IQGAP2: variants seen among roughly 807,000 people sequenced by gnomAD.
The protein encoded by IQGAP2 is ras GTPase-activating-like protein IQGAP2.
IQGAP2 carries 173 observed loss-of-function variants against 201.3 expected under a neutral mutation model. That is an observed-to-expected ratio of 0.86 (90% CI 0.76 to 0.98). The LOEUF is 0.98. Ranked by LOEUF, IQGAP2 falls within the 50% of genes least tolerant of loss-of-function variation. The pLI is 0.00. For missense variants in IQGAP2, 1,687 were observed against 1,864.8 expected (o/e 0.90, Z 1.76); for synonymous variants, 675 against 673.9 (o/e 1.00, Z -0.03).
At chr5:76,514,009 G>C (rs1758146243) in intron 2 of IQGAP2, among the ~76,000 whole-genome samples, 2 of 121,262 alleles carry the variant, frequency 1.6e-5, no homozygotes, top group Non-Finnish European at 3.3e-5. Context: ...TCTATTTGTT[G>C]CCTTTTTTTT....
chr5:76,586,910 G>A (rs1172571164), intron 5 of IQGAP2, among the ~76,000 whole-genome samples: 2 of 152,194 alleles, frequency 1.3e-5, no homozygotes, highest in Non-Finnish European at 2.9e-5. Context: ...TTCCTGGCTT[G>A]TAAGCCTCGT....
At chr5:76,515,622 T>C (rs773398034) in intron 2 of IQGAP2, among the ~76,000 whole-genome samples, 3 of 152,196 alleles carry the variant, frequency 2.0e-5, no homozygotes, top group Non-Finnish European at 4.4e-5. Context: ...CAAATTTGTT[T>C]CTTATTTGCT....
chr5:76,640,069 A>G (rs1033759518), intron 16 of IQGAP2, among the ~76,000 whole-genome samples: 42 of 152,326 alleles, frequency 2.8e-4, no homozygotes, highest in African/African-American at 9.9e-4. Flanking sequence ...AAGATTATTA[A>G]CCAGTGGAAG....
chr5:76,497,064 A>G (rs1192051626), intron 2 of IQGAP2, among the ~76,000 whole-genome samples: 2 of 152,016 alleles, frequency 1.3e-5, no homozygotes, highest in African/African-American at 4.8e-5. Flanking sequence ...TCCTGACCTC[A>G]TGATCCACCC....
intron 1 of IQGAP2, among the ~76,000 whole-genome samples, chr5:76,454,102 A>G (rs539803636): frequency 2.0e-4 from 30 of 152,038 alleles, no homozygotes; most frequent in Non-Finnish European, 3.7e-4. Flanking sequence ...GTGTCTTGAA[A>G]TTGTAATTGT....
At position 76,516,706 on chromosome 5, in the gene IQGAP2, A is replaced by G. The variant is rs148212547; in HGVS notation, c.147-45690A>G. 5.5e-3 allele frequency among the ~76,000 whole-genome samples: 835 copies of G among 152,304 alleles called. 11 individuals are homozygous for G. Among genetic ancestry groups the G allele is most frequent in the African/African-American group, 0.019 (804 of 41,570 alleles). ...ACTAGAGCAGAAAATAGAGCAGAAA[A>G]TAGCCACAGATGTTAACTGACGGTT... On this transcript the variant is annotated intron_variant, in intron 2 of 35. Coordinates refer to ENST00000274364, the MANE Select transcript of IQGAP2 (RefSeq NM_006633.5).
At chr5:76,509,664 G>A (rs896815852) in intron 2 of IQGAP2, among the ~76,000 whole-genome samples, 4 of 152,152 alleles carry the variant, frequency 2.6e-5, no homozygotes, top group Non-Finnish European at 4.4e-5. Context: ...AAAGTGCTGG[G>A]ATTACAGGTG....
At chr5:76,561,726 A>G (rs914347595) in intron 2 of IQGAP2, among the ~76,000 whole-genome samples, 26 of 152,146 alleles carry the variant, frequency 1.7e-4, no homozygotes, top group Admixed American at 1.4e-3. Flanking sequence ...TCTCTTTTCT[A>G]CAATACTGGC....
intron 15 of IQGAP2, among the ~76,000 whole-genome samples, chr5:76,634,834 G>A (rs944099429): frequency 3.9e-5 from 6 of 152,168 alleles, no homozygotes; most frequent in African/African-American, 1.2e-4. Context: ...TGTCTGCAAG[G>A]CATCTAAAAA....
At chr5:76,461,997 T>C (rs926416341) in intron 2 of IQGAP2, among the ~76,000 whole-genome samples, 8 of 152,196 alleles carry the variant, frequency 5.3e-5, no homozygotes, top group African/African-American at 1.9e-4. Flanking sequence ...AGCAGGATAA[T>C]GGGAGAAGAA....
intron 9 of IQGAP2, among the ~76,000 whole-genome samples, chr5:76,594,908 G>A (rs138711961): frequency 1.3e-5 from 2 of 152,052 alleles, no homozygotes; most frequent in African/African-American, 4.8e-5. Flanking sequence ...GGAGGATGCA[G>A]TGAGCTGAGA....
chr5:76,608,926 T>C (rs1272606943), intron 12 of IQGAP2: 3 of 578,256 alleles, frequency 5.2e-6, no homozygotes, highest in Admixed American at 3.0e-5. Context: ...TAGAATGTTA[T>C]AGTAACATGT....
intron 2 of IQGAP2, among the ~76,000 whole-genome samples, chr5:76,525,962 C>A (rs914500942): frequency 6.6e-6 from 1 of 152,198 alleles, no homozygotes; most frequent in Non-Finnish European, 1.5e-5. Flanking sequence ...GTGGTCCATA[C>A]ATTCATAATT....
chr5:76,562,471 C>T lies in IQGAP2; in HGVS notation c.222C>T (p.Tyr74=), dbSNP rs1200089489. ...AAGAAGGGCTCCGGAATGGAGTTTA[C>T]CTTGCAAAGTTAGCCAAGTTCTTTG... The part of the protein sequence containing the change: ...ELEEGLRNGV[Y]LAKLAKFFAP... Residue 74 remains tyrosine, a synonymous_variant, in exon 3 of 36, where the codon TAC becomes TAT. Transcript: ENST00000274364. 3.1e-6 allele frequency: 5 copies of T among 1,613,838 alleles called. No individual in the cohort carries two copies. The highest frequency in any genetic ancestry group is 4.2e-6 in the Non-Finnish European group (5 of 1,179,800).
At chr5:76,697,082 A>G (rs950871123) in intron 32 of IQGAP2, among the ~76,000 whole-genome samples, 2 of 152,230 alleles carry the variant, frequency 1.3e-5, no homozygotes, top group Non-Finnish European at 2.9e-5. Flanking sequence ...AAAAAAACTT[A>G]TATCTGCAAG....
chr5:76,573,782 T>G (rs1400121178), intron 4 of IQGAP2, among the ~76,000 whole-genome samples: 1 of 151,640 alleles, frequency 6.6e-6, no homozygotes, highest in African/African-American at 2.4e-5. Context: ...CAGCTATTTT[T>G]TTTTTTTTTT....
At position 76,641,086 on chromosome 5, in the gene IQGAP2, A is replaced by G. The variant is rs530993260; in HGVS notation, c.2077A>G (p.Asn693Asp). 3 of 1,601,036 alleles carry G rather than the reference A, an allele frequency of 1.9e-6. No homozygotes were observed. The highest frequency in any genetic ancestry group is 2.6e-6 in the Non-Finnish European group (3 of 1,169,518). The stretch of plus-strand genomic sequence containing the variant: ...ATCATTTTTGCATGAACAAGAAGAG[A>G]ATGTGGTCAAAATACAGGTATGTGG... Reference protein sequence around the residue: ...RKSFLHEQEENVVKIQAFWKG... With the variant: ...RKSFLHEQEEDVVKIQAFWKG... Residue 693 changes from asparagine to aspartate, a missense_variant, in exon 17 of 36, where the codon AAT (asparagine) becomes GAT (aspartate). Coordinates refer to ENST00000274364, the MANE Select transcript of IQGAP2 (RefSeq NM_006633.5).
At chr5:76,623,936 C>CTTTTTTTT (rs368076875) in intron 13 of IQGAP2, among the ~76,000 whole-genome samples, 16 of 100,778 alleles carry the variant, frequency 1.6e-4, no homozygotes, top group Non-Finnish European at 2.6e-4. Context: ...TTTGTTCAGG[C>CTTTTTTTT]TTTTTTTTTT....
At chr5:76,529,252 A>G (rs777044276) in intron 2 of IQGAP2, among the ~76,000 whole-genome samples, 1 of 152,218 alleles carries the variant, frequency 6.6e-6, no homozygotes, top group Non-Finnish European at 1.5e-5. Context: ...TGTTATGAAT[A>G]AGTTACCTTC....
Sources: gnomAD v4.1 joint callset for allele counts (sites outside exome capture counted in the v4.1 genomes callset) on GRCh38, gnomAD v4.1.1 for gene constraint, MANE v1.5 for transcripts, NCBI Gene and HGNC (gene_info 2026-07-23, HGNC 2026-07-21) for gene names.